MINDY2: variants seen among roughly 807,000 people sequenced by gnomAD.
MINDY2 encodes MINDY lysine 48 deubiquitinase 2.
A neutral mutation model predicts 68.2 loss-of-function variants in MINDY2; 52 were observed. The ratio of observed to expected loss-of-function variants is 0.76; its 90% confidence interval spans 0.61 to 0.96. The LOEUF (loss-of-function observed/expected upper bound fraction) is 0.96. MINDY2 is among the 40% of genes least tolerant of loss of function. The probability of loss-of-function intolerance (pLI) is 0.00; values close to 1 mark genes in which losing one functional copy is unlikely to be tolerated. For missense variants in MINDY2, 881 were observed against 773.4 expected (o/e 1.14, Z -1.65); for synonymous variants, 372 against 303.0 (o/e 1.23, Z -2.36).
At chr15:58,842,927 A>G (rs909766107) in intron 6 of MINDY2, among the ~76,000 whole-genome samples, 4 of 152,192 alleles carry the variant, frequency 2.6e-5, no homozygotes, top group African/African-American at 4.8e-5. Context: ...TTTCAAGTCA[A>G]CAACTATGCT....
At position 58,859,377 on chromosome 15, in the gene MINDY2, ATAT is replaced by A. The variant is rs2033152335; in HGVS notation, c.*4772_*4774del. 1.3e-5 allele frequency: 2 copies of A among 152,256 alleles called. No individual in the cohort carries two copies. Among genetic ancestry groups the A allele is most frequent in the South Asian group, 4.1e-4 (2 of 4,822 alleles). The allele number at this position is 152,256 out of a possible 1,614,324, so 9.4% of individuals were successfully genotyped here. Reference sequence around the variant, plus strand: ...GGAATTCATTTAGATCTCTCAAGTAATATTATTTTAGGGCTATATAAATTGTGT... The same window carrying A: ...GGAATTCATTTAGATCTCTCAAGTAATATTTTAGGGCTATATAAATTGTGT... On this transcript the variant is annotated 3_prime_UTR_variant, in exon 9 of 9. Transcript: ENST00000559228.
At position 58,857,665 on chromosome 15, in the gene MINDY2, A is replaced by C. The variant is rs2033105704; in HGVS notation, c.*3055A>C. ...TAGGATTTTGAAAGTGGTATATTAA[A>C]GTCTTTCCTTCCAAGTATTTTGTAA... On this transcript the variant is annotated 3_prime_UTR_variant, in exon 9 of 9. Coordinates refer to ENST00000559228, the MANE Select transcript of MINDY2 (RefSeq NM_001040450.3). 6.6e-6 allele frequency: 1 copy of C among 152,134 alleles called. No individual in the cohort carries two copies. Among genetic ancestry groups the C allele is most frequent in the South Asian group, 2.1e-4 (1 of 4,828 alleles). 9.4% of individuals were successfully genotyped at this position (152,134 alleles called of 1,614,324 possible). A position where few individuals can be genotyped will look rare whatever the true frequency, so the allele number is the denominator to read the frequency against.
chr15:58,795,134 C>G (rs1487134821), intron 2 of MINDY2, among the ~76,000 whole-genome samples: 1 of 151,786 alleles, frequency 6.6e-6, no homozygotes, highest in Admixed American at 6.6e-5. Flanking sequence ...CGAGATCGCG[C>G]TACTGCACTC....
intron 3 of MINDY2, among the ~76,000 whole-genome samples, chr15:58,806,354 CTT>C (rs57824507): frequency 3.4e-4 from 44 of 128,542 alleles, no homozygotes; most frequent in African/African-American, 9.2e-4. Context: ...AACGTGCCAA[CTT>C]TTTTTTTTTT....
At position 58,787,585 on chromosome 15, in the gene MINDY2, C is replaced by T. The variant is rs190128854; in HGVS notation, c.841-321C>T. Among the ~76,000 whole-genome samples, 48 of 151,708 alleles carry T rather than the reference C, an allele frequency of 3.2e-4. No homozygotes were observed. In the East Asian group the frequency reaches 6.6e-3, roughly 21 times the overall value. Reference sequence around the variant, plus strand: ...CCTCCTCTCTACTAAAAATACAAAACAATTAGCCAGGTGTGGTGGTGGGTG... The same window carrying T: ...CCTCCTCTCTACTAAAAATACAAAATAATTAGCCAGGTGTGGTGGTGGGTG... On this transcript the variant is annotated intron_variant, in intron 1 of 8. Transcript: ENST00000559228.
rs539952727 is a variant in MINDY2, at chr15:58,843,727, A to C, written c.1369-3570A>C. Among the ~76,000 whole-genome samples, 151 of 149,810 alleles carry C rather than the reference A, an allele frequency of 1.0e-3. 1 individual carries two copies. The Middle Eastern group carries it at 0.01, about 10-fold the overall frequency. ...TGGGCACCTGTAGTCCCAGCTACTC[A>C]GGAGGCTGAGGCAGGAGAATGGCGT... On this transcript the variant is annotated intron_variant, in intron 6 of 8. Coordinates refer to ENST00000559228, the MANE Select transcript of MINDY2 (RefSeq NM_001040450.3).
At chr15:58,849,647 T>A (rs1479416158) in intron 7 of MINDY2, among the ~76,000 whole-genome samples, 8 of 152,206 alleles carry the variant, frequency 5.3e-5, no homozygotes, top group Non-Finnish European at 1.0e-4. Flanking sequence ...AGAGCAGAGT[T>A]TGAAGAATTC....
chr15:58,773,135 G>GA (rs5812950), intron 1 of MINDY2, among the ~76,000 whole-genome samples: 75,487 of 150,146 alleles, frequency 0.5, 21,123 homozygotes, highest in East Asian at 0.93. Flanking sequence ...TGTTTCCTAG[G>GA]AAAAAAAAAC....
At chr15:58,799,043 G>A (rs1252826713) in intron 2 of MINDY2, among the ~76,000 whole-genome samples, 1 of 152,148 alleles carries the variant, frequency 6.6e-6, no homozygotes, top group Non-Finnish European at 1.5e-5. Flanking sequence ...GGAATCACTG[G>A]TGAGAGGACT....
In MINDY2 at chr15:58,852,950, T is replaced by G. The variant is rs1287639349; in HGVS notation, c.1737+985T>G. The stretch of plus-strand genomic sequence containing the variant: ...TTTTTTTTTTTTTTTTTTTTTTTTT[T>G]TTTTTTTTTTTTTTTTTTTTAAGAC... On this transcript the variant is annotated intron_variant, in intron 8 of 8. Transcript: ENST00000559228. Among the ~76,000 whole-genome samples, 144 of 47,116 alleles carry G rather than the reference T, an allele frequency of 3.1e-3. 9 individuals carry two copies. Among genetic ancestry groups the G allele is most frequent in the African/African-American group, 5.0e-3 (80 of 16,060 alleles). 30.9% of individuals were successfully genotyped at this position (47,116 alleles called of 152,430 possible). A position where few individuals can be genotyped will look rare whatever the true frequency, so the allele number is the denominator to read the frequency against.
intron 5 of MINDY2, among the ~76,000 whole-genome samples, chr15:58,828,575 C>CTTTT (rs1163905877): frequency 4.5e-4 from 48 of 106,134 alleles, no homozygotes; most frequent in Non-Finnish European, 5.5e-4. Flanking sequence ...TATTGAATTT[C>CTTTT]TTTTTTTTTT....
rs1320120419 is a variant in MINDY2 at position 58,772,244 on chromosome 15, T to A, written c.840+9T>A. The A allele has an allele frequency of 3.7e-6, 6 of 1,608,108 alleles. No homozygotes were observed. The Admixed American group carries it at 1.0e-4, about 27-fold the overall frequency. On this transcript the variant is annotated intron_variant, in intron 1 of 8. Coordinates refer to ENST00000559228, the MANE Select transcript of MINDY2 (RefSeq NM_001040450.3). ...TGCTCCTGGCCTGGAAGGTACATTC[T>A]GCAGCTTTCTACTTCCTACAGCTTT...
chr15:58,808,586 A>G (rs1170610999), intron 3 of MINDY2, among the ~76,000 whole-genome samples: 1 of 152,056 alleles, frequency 6.6e-6, no homozygotes, highest in Non-Finnish European at 1.5e-5. Flanking sequence ...ACATATTATA[A>G]AATATATGGT....
chr15:58,838,582 A>ATTTTTTTTTTTT (rs780140528), intron 6 of MINDY2, among the ~76,000 whole-genome samples: 4 of 93,076 alleles, frequency 4.3e-5, no homozygotes, highest in Non-Finnish European at 5.7e-5. Context: ...CTTTTTAGGG[A>ATTTTTTTTTTTT]TTTTTTTTTT....
In MINDY2 at chr15:58,854,472, TTTC is replaced by T. The variant is rs774732941; in HGVS notation, c.1738-7_1738-5del. 5 of 1,606,512 alleles carry T rather than the reference TTTC, an allele frequency of 3.1e-6. No homozygotes were observed. In the South Asian group the frequency reaches 5.6e-5, roughly 18 times the overall value. ...TTAGAGTAATTTCTTGCTGTATATTTTTCTTAAAGCAGGGCCAGCCAGCACAAG... is the reference window on the plus strand; with the variant it reads ...TTAGAGTAATTTCTTGCTGTATATTTTTAAAGCAGGGCCAGCCAGCACAAG... On this transcript the variant is annotated splice_region_variant and splice_polypyrimidine_tract_variant and intron_variant, in intron 8 of 8. Coordinates refer to ENST00000559228, the MANE Select transcript of MINDY2 (RefSeq NM_001040450.3).
At chr15:58,832,100 C>T (rs1374443679) in intron 6 of MINDY2, among the ~76,000 whole-genome samples, 184 bp downstream of exon 6, 1 of 152,026 alleles carries the variant, frequency 6.6e-6, no homozygotes, top group Non-Finnish European at 1.5e-5. Context: ...TGAAGCATTA[C>T]CTCAAATCAC....
chr15:58,791,215 T>TATATA (rs1901872070), intron 2 of MINDY2, among the ~76,000 whole-genome samples: 20 of 79,608 alleles, frequency 2.5e-4, no homozygotes, highest in African/African-American at 7.1e-4. Flanking sequence ...GAAAGCAATT[T>TATATA]TATATATATA....
chr15:58,778,467 A>G (rs901539601), intron 1 of MINDY2, among the ~76,000 whole-genome samples: 8 of 151,848 alleles, frequency 5.3e-5, no homozygotes, highest in Non-Finnish European at 7.4e-5. Flanking sequence ...TCAAACCTAG[A>G]AACTGTAAAA....
At chr15:58,853,854 A>G (rs1231185886) in intron 8 of MINDY2, among the ~76,000 whole-genome samples, 1 of 149,600 alleles carries the variant, frequency 6.7e-6, no homozygotes, top group Non-Finnish European at 1.5e-5. Flanking sequence ...TCTGTTTATT[A>G]TGGAATTTAA....
Sources: allele counts gnomAD v4.1 joint callset (sites outside exome capture counted in the v4.1 genomes callset), GRCh38; gene constraint gnomAD v4.1.1; transcripts MANE v1.5; gene names NCBI Gene and HGNC (gene_info 2026-07-23, HGNC 2026-07-21).